Variants in WDPCP observed in about 807,000 individuals in gnomAD.
The protein encoded by WDPCP is WD repeat containing planar cell polarity effector.
A neutral mutation model predicts 93.1 loss-of-function variants in WDPCP; 71 were observed. The ratio of observed to expected loss-of-function variants is 0.76; its 90% CI spans 0.63 to 0.93. The LOEUF (loss-of-function observed/expected upper bound fraction) is 0.93, where lower values mean the gene tolerates loss of function less well. Among genes scored for constraint, WDPCP ranks in the 40% least tolerant of loss-of-function variants. The pLI, the probability that WDPCP is intolerant of heterozygous loss-of-function variation, is 0.00. For missense variants in WDPCP, 844 were observed against 887.4 expected (o/e 0.95, Z 0.62); for synonymous variants, 315 against 315.0 (o/e 1.00, Z 0.00).
Position 63,670,995 on chromosome 2 carries a change from G to T in WDPCP, n.309-20157C>A, listed in dbSNP as rs539668268. ...TGCTACACATAAAGTATTCCTCAGA[G>T]AAGGGAATGAAAGAGGGGAATCCCA... is the stretch of plus-strand genomic sequence containing the variant. On this transcript the variant is annotated intron_variant and non_coding_transcript_variant, in intron 2 of 4. Coordinates refer to the WDPCP transcript ENST00000467687. Among the ~76,000 whole-genome samples, 4 of 152,306 alleles carry T rather than the reference G, an allele frequency of 2.6e-5. No individual in the cohort carries two copies. In the South Asian group the frequency reaches 8.3e-4, roughly 32 times the overall value.
intron 1 of WDPCP, among the ~76,000 whole-genome samples, chr2:63,502,006 G>A (rs1453230030): frequency 6.6e-6 from 1 of 152,190 alleles, no homozygotes; most frequent in East Asian, 1.9e-4. Context: ...AGTATTTGAT[G>A]TAAAAATTAA....
intron 1 of WDPCP, among the ~76,000 whole-genome samples, chr2:63,826,231 TC>T (rs1276268250): frequency 6.6e-6 from 1 of 152,094 alleles, no homozygotes; most frequent in Non-Finnish European, 1.5e-5. Flanking sequence ...TCCTATTTTT[TC>T]TTTTTTGCCT....
intron 2 of WDPCP, chr2:63,684,566 GA>G (rs1298568457): frequency 1.4e-6 from 1 of 715,742 alleles, no homozygotes; most frequent in African/African-American, 1.8e-5. Context: ...GTACTCTGTG[GA>G]TATCCCCTTG....
At chr2:63,505,716 C>A (rs1452918354) in intron 1 of WDPCP, among the ~76,000 whole-genome samples, 1 of 151,920 alleles carries the variant, frequency 6.6e-6, no homozygotes, top group African/African-American at 2.4e-5. Flanking sequence ...AAAATACCTA[C>A]CTGAAAAAAA....
intron 1 of WDPCP, among the ~76,000 whole-genome samples, chr2:63,533,966 A>C (rs1283196233): frequency 6.6e-6 from 1 of 151,968 alleles, no homozygotes. Flanking sequence ...GACTGCTAGC[A>C]AGACTAAAAA....
chr2:63,319,135 G>A (rs539870875), intron 12 of WDPCP, among the ~76,000 whole-genome samples: 5 of 152,140 alleles, frequency 3.3e-5, no homozygotes, highest in African/African-American at 1.2e-4. Context: ...CCAATTTGTC[G>A]ATTTTTGTTT....
intron 3 of WDPCP, chr2:63,597,594 A>G (rs536154902): frequency 5.2e-6 from 7 of 1,343,776 alleles, no homozygotes; most frequent in South Asian, 2.5e-5. Context: ...GCTGTATTTT[A>G]TGGGATTTTT....
chr2:63,751,041 G>T (rs373582523), intron 2 of WDPCP, among the ~76,000 whole-genome samples: 11 of 152,198 alleles, frequency 7.2e-5, no homozygotes, highest in African/African-American at 2.2e-4. Flanking sequence ...GTTTGTGTAA[G>T]ATTAGTGTTA....
intron 2 of WDPCP, among the ~76,000 whole-genome samples, chr2:63,738,288 A>T (rs1669666159): frequency 6.6e-6 from 1 of 152,008 alleles, no homozygotes; most frequent in Admixed American, 6.6e-5. Flanking sequence ...TGATTGTATA[A>T]TATTATCCAC....
chr2:63,667,086 G>T (rs976078429), intron 2 of WDPCP, among the ~76,000 whole-genome samples: 11 of 152,158 alleles, frequency 7.2e-5, no homozygotes, highest in African/African-American at 2.4e-4. Context: ...GATTTCAGGG[G>T]TGCATACATA....
chr2:63,132,995 T>G (rs914020629), intron 17 of WDPCP, among the ~76,000 whole-genome samples: 1 of 152,190 alleles, frequency 6.6e-6, no homozygotes, highest in African/African-American at 2.4e-5. Flanking sequence ...ACTTCTCCCA[T>G]TCTCTGTAGA....
At chr2:63,809,915 T>A (rs964871590) in intron 2 of WDPCP, among the ~76,000 whole-genome samples, 5 of 151,274 alleles carry the variant, frequency 3.3e-5, no homozygotes, top group African/African-American at 1.2e-4. Context: ...CAATAAAAAA[T>A]AAATAAATAA....
intron 17 of WDPCP, among the ~76,000 whole-genome samples, chr2:63,149,740 G>T (rs1034662503): frequency 2.6e-5 from 4 of 152,142 alleles, no homozygotes; most frequent in African/African-American, 9.6e-5. Flanking sequence ...CAAGAAGAAT[G>T]CACTATGTTT....
At chr2:63,245,892 A>G (rs191305026) in intron 14 of WDPCP, among the ~76,000 whole-genome samples, 5 of 152,232 alleles carry the variant, frequency 3.3e-5, no homozygotes, top group East Asian at 3.9e-4. Context: ...AGCACTTACT[A>G]TTTTTCGTGT....
At chr2:63,705,149 CTT>C (rs1669129214) in intron 2 of WDPCP, among the ~76,000 whole-genome samples, 1 of 152,132 alleles carries the variant, frequency 6.6e-6, no homozygotes, top group African/African-American at 2.4e-5. Context: ...GTGATATCCC[CTT>C]TGTCATTTTT....
At chr2:63,576,688 A>G (rs954305404) in intron 1 of WDPCP, among the ~76,000 whole-genome samples, 2 of 152,164 alleles carry the variant, frequency 1.3e-5, no homozygotes, top group African/African-American at 4.8e-5. Context: ...CCAACCCTCT[A>G]ATCACAGTTG....
chr2:63,323,508 T>C (rs1167566359), intron 12 of WDPCP, among the ~76,000 whole-genome samples: 1 of 152,142 alleles, frequency 6.6e-6, no homozygotes, highest in Non-Finnish European at 1.5e-5. Flanking sequence ...GCCTCAGAAA[T>C]TGTATCCTTC....
At chr2:63,766,034 G>C (rs1670132847) in intron 2 of WDPCP, among the ~76,000 whole-genome samples, 1 of 152,246 alleles carries the variant, frequency 6.6e-6, no homozygotes, top group African/African-American at 2.4e-5. Context: ...TGTCCATCTT[G>C]TTTAGAGCAC....
Position 63,225,647 on chromosome 2 carries a change from T to A in WDPCP, c.1915+33660A>T, listed in dbSNP as rs544554277. Reference sequence around the variant, plus strand: ...TTAATGATGAAATGAATAAACAAATTGTGGTATACAGTGGGATAATATACA... The same window carrying A: ...TTAATGATGAAATGAATAAACAAATAGTGGTATACAGTGGGATAATATACA... On this transcript the variant is annotated intron_variant, in intron 14 of 17. Transcript: ENST00000272321. Among the ~76,000 whole-genome samples, 13 of 151,968 alleles carry A rather than the reference T, an allele frequency of 8.6e-5. No homozygotes were observed. The South Asian group carries it at 2.3e-3, about 27-fold the overall frequency.
Sources: allele counts gnomAD v4.1 joint callset (sites outside exome capture counted in the v4.1 genomes callset), GRCh38; gene constraint gnomAD v4.1.1; transcripts MANE v1.5; gene names NCBI Gene and HGNC (gene_info 2026-07-23, HGNC 2026-07-21).